Variants in ISOC1 observed in about 807,000 individuals in gnomAD.
ISOC1 encodes the protein isochorismatase domain-containing protein 1.
A neutral mutation model predicts 30.0 loss-of-function variants in ISOC1; 33 were observed. The observed-to-expected ratio is 1.10, with a 90% CI of 0.83 to 1.47. The LOEUF (loss-of-function observed/expected upper bound fraction) is 1.47, where lower values mean the gene tolerates loss of function less well. ISOC1 is among the 40% of genes most tolerant of loss of function. ISOC1 has a pLI of 0.00. For synonymous variants in ISOC1, 178 were observed against 159.8 expected, an observed-to-expected ratio of 1.11 and a Z score of -0.86; for missense variants, 372 against 388.0, an observed-to-expected ratio of 0.96 and a Z score of 0.35.
At chr5:129,095,714 A>G (rs1452405656) in intron 1 of ISOC1, among the ~76,000 whole-genome samples, 1 of 152,182 alleles carries the variant, frequency 6.6e-6, no homozygotes, top group African/African-American at 2.4e-5. Context: ...TGACTCCATG[A>G]TTGTAATTCC....
intron 4 of ISOC1, among the ~76,000 whole-genome samples, chr5:129,112,306 G>C (rs183976870): frequency 6.6e-6 from 1 of 152,270 alleles, no homozygotes; most frequent in East Asian, 1.9e-4. Context: ...ACGATCTCAT[G>C]TATTATCAGT....
In ISOC1 at chr5:129,094,778, G is replaced by T; in HGVS notation, c.12G>T (p.Ala4=). ...ACGCTCGGGGGAACATGGCGGCTGC[G>T]GAGCCGGCGGTCCTTGCGCTCCCCA... MAA[A]EPAVLALPNS... The change falls in exon 1 of 5, where the codon GCG becomes GCT. Residue 4 remains alanine, a synonymous_variant. Coordinates refer to ENST00000173527, the MANE Select transcript of ISOC1 (RefSeq NM_016048.2). 1 of 1,502,604 alleles carries T rather than the reference G, an allele frequency of 6.7e-7. No individual in the cohort carries two copies. The allele number at this position is 1,502,604 out of a possible 1,614,324, so 93.1% of individuals were successfully genotyped here. A position where few individuals can be genotyped will look rare whatever the true frequency, so the allele number is the denominator to read the frequency against.
At chr5:129,105,414 G>A (rs748494968) in intron 3 of ISOC1, 26 bp downstream of exon 3, 1 of 1,562,660 alleles carries the variant, frequency 6.4e-7, no homozygotes, top group South Asian at 1.1e-5. Context: ...TATCATTTAG[G>A]CACAATATTA....
chr5:129,110,123 T>C (rs572233956), intron 4 of ISOC1, among the ~76,000 whole-genome samples: 46 of 152,306 alleles, frequency 3.0e-4, no homozygotes, highest in African/African-American at 1.0e-3. Flanking sequence ...CTAATGGGTT[T>C]AGTCTTTTTC....
At chr5:129,112,715 C>T in intron 4 of ISOC1, 140 bp from the exon 5 acceptor site, 1 of 797,874 alleles carries the variant, frequency 1.3e-6, no homozygotes, top group East Asian at 2.5e-5. Flanking sequence ...CCATCCCCAT[C>T]ACTGAACTTG....
chr5:129,105,859 A>G (rs1753631005), intron 3 of ISOC1, among the ~76,000 whole-genome samples: 1 of 152,230 alleles, frequency 6.6e-6, no homozygotes, highest in South Asian at 2.1e-4. Flanking sequence ...GGGGAAAAAT[A>G]CTAATGGATT....
intron 1 of ISOC1, among the ~76,000 whole-genome samples, chr5:129,103,662 G>A (rs1359063247): frequency 6.6e-6 from 1 of 152,196 alleles, no homozygotes; most frequent in Non-Finnish European, 1.5e-5. Context: ...TTTAATTCAT[G>A]TAGTAATTGT....
intron 4 of ISOC1, 62 bp downstream of exon 4, chr5:129,107,124 T>C (rs1043922859): frequency 1.5e-6 from 2 of 1,300,064 alleles, no homozygotes; most frequent in Non-Finnish European, 2.2e-6. Context: ...AGAAGAATAC[T>C]GGATATTTAA....
At chr5:129,100,316 A>G (rs1381222475) in intron 1 of ISOC1, among the ~76,000 whole-genome samples, 2 of 152,206 alleles carry the variant, frequency 1.3e-5, no homozygotes, top group Non-Finnish European at 2.9e-5. Flanking sequence ...AGCTATGACA[A>G]TTCTTAAGAA....
Position 129,106,954 on chromosome 5 carries a change from G to A in ISOC1, c.642G>A (p.Val214=), listed in dbSNP as rs372877573. The part of the protein sequence containing the change: ...SVVLFGVETH[V]CIQQTALELV... ...TTGTACTTTCCTACTAGACTCATGT[G>A]TGCATCCAACAAACTGCCCTGGAGC... Residue 214 remains valine (V), a synonymous_variant, in exon 4 of 5, where the codon GTG becomes GTA. Transcript: ENST00000173527. The A allele has an allele frequency of 2.9e-5, 47 of 1,612,300 alleles. No individual in the cohort carries two copies. Among genetic ancestry groups the A allele is most frequent in the Non-Finnish European group, 3.8e-5 (45 of 1,178,612 alleles).
At chr5:129,101,192 A>AAAAAAAAAAAAATATAT (rs1554064627) in intron 1 of ISOC1, among the ~76,000 whole-genome samples, 5 of 42,232 alleles carry the variant, frequency 1.2e-4, no homozygotes, top group Non-Finnish European at 1.8e-4. Flanking sequence ...AAAAAAAAAA[A>AAAAAAAAAAAAATATAT]ATATATATAT....
chr5:129,101,178 A>ATATATATATATATAT (rs1487163668), intron 1 of ISOC1, among the ~76,000 whole-genome samples: 1 of 108,196 alleles, frequency 9.2e-6, no homozygotes, highest in African/African-American at 4.7e-5. Flanking sequence ...AAAAAAAAAA[A>ATATATATATATATAT]AAAAAAAAAA....
In ISOC1 at chr5:129,113,165, G is replaced by T; in HGVS notation, c.*164G>T. 1.9e-6 allele frequency: 1 copy of T among 522,638 alleles called. No individual in the cohort carries two copies. The highest frequency in any genetic ancestry group is 3.8e-5 in the South Asian group (1 of 26,098). The allele number at this position is 522,638 out of a possible 1,614,324, so 32.4% of individuals were successfully genotyped here. On this transcript the variant is annotated 3_prime_UTR_variant, in exon 5 of 5. Transcript: ENST00000173527. ...AAACTTAACCAGCTAGACCATTTGA[G>T]TACCAGCATTTAGTTACAAACGTCA... is the stretch of plus-strand genomic sequence containing the variant.
Position 129,105,408 on chromosome 5 carries a change from A to G in ISOC1, c.633+20A>G, listed in dbSNP as rs2150171377. On this transcript the variant is annotated intron_variant, in intron 3 of 4. Coordinates refer to ENST00000173527, the MANE Select transcript of ISOC1 (RefSeq NM_016048.2). ...GTAGAAGTAAGTACCTGTTACTATC[A>G]TTTAGGCACAATATTATTTATAGAA... is the stretch of plus-strand genomic sequence containing the variant. 1 of 1,573,346 alleles carries G rather than the reference A, an allele frequency of 6.4e-7. No homozygotes were observed. Among genetic ancestry groups the G allele is most frequent in the Non-Finnish European group, 8.7e-7 (1 of 1,144,452 alleles).
At chr5:129,098,556 G>T (rs1449160656) in intron 1 of ISOC1, among the ~76,000 whole-genome samples, 2 of 152,140 alleles carry the variant, frequency 1.3e-5, no homozygotes, top group Non-Finnish European at 2.9e-5. Flanking sequence ...CATAAATGTT[G>T]TATCATGCTA....
At chr5:129,103,937 C>T (rs1457096242) in intron 1 of ISOC1, among the ~76,000 whole-genome samples, 1 of 152,086 alleles carries the variant, frequency 6.6e-6, no homozygotes. Context: ...AGAAAAGCAC[C>T]TCAGACTTTT....
chr5:129,095,054 C>A lies in ISOC1; in HGVS notation c.288C>A (p.Arg96=). 1.3e-6 allele frequency: 2 copies of A among 1,583,552 alleles called. No individual in the cohort carries two copies. The highest frequency in any genetic ancestry group is 1.7e-6 in the Non-Finnish European group (2 of 1,168,048). Reference sequence around the variant, plus strand: ...CGGTGAGCGAGCGCTGCAAGGTGCGCCTCGTGCCGTTGCAGATCCAGGTGG... The same window carrying A: ...CGGTGAGCGAGCGCTGCAAGGTGCGACTCGTGCCGTTGCAGATCCAGGTGG... ...GFAVSERCKV[R]LVPLQIQLTT... Residue 96 remains arginine (R), a synonymous_variant, in exon 1 of 5, where the codon CGC becomes CGA. Coordinates refer to ENST00000173527, the MANE Select transcript of ISOC1 (RefSeq NM_016048.2).
chr5:129,096,268 A>G (rs542154961), intron 1 of ISOC1, among the ~76,000 whole-genome samples: 11 of 152,290 alleles, frequency 7.2e-5, no homozygotes, highest in Admixed American at 5.9e-4. Context: ...TAGTCACGCT[A>G]TTGTGCTACT....
At chr5:129,097,438 A>C (rs1753517362) in intron 1 of ISOC1, among the ~76,000 whole-genome samples, 1 of 152,086 alleles carries the variant, frequency 6.6e-6, no homozygotes, top group Non-Finnish European at 1.5e-5. Context: ...AAGTCATGAT[A>C]TTTCTCATGA....
Sources: allele counts gnomAD v4.1 joint callset (sites outside exome capture counted in the v4.1 genomes callset), GRCh38; gene constraint gnomAD v4.1.1; transcripts MANE v1.5; gene names NCBI Gene and HGNC (gene_info 2026-07-23, HGNC 2026-07-21).